Variants in HHAT observed in about 807,000 individuals in gnomAD.
HHAT encodes hedgehog acyltransferase, also known as protein-cysteine N-palmitoyltransferase HHAT.
In HHAT, 47 loss-of-function variants were observed where a neutral mutation model predicts 70.8. The ratio of observed to expected loss-of-function variants is 0.66; its 90% confidence interval spans 0.53 to 0.85. The LOEUF is 0.85. Among genes scored for constraint, HHAT ranks in the 40% least tolerant of loss-of-function variants. The pLI, the probability that HHAT is intolerant of heterozygous loss-of-function variation, is 0.00. For synonymous variants in HHAT, 228 were observed against 247.6 expected (o/e 0.92, Z 0.74); for missense variants, 609 against 604.8 (o/e 1.01, Z -0.07).
intron 10 of HHAT, among the ~76,000 whole-genome samples, chr1:210,621,988 A>T (rs1668930948): frequency 1.3e-5 from 2 of 152,106 alleles, no homozygotes; most frequent in Admixed American, 6.6e-5. Context: ...TTAAGAACAG[A>T]CCCTGGGGCT....
intron 10 of HHAT, among the ~76,000 whole-genome samples, chr1:210,606,162 T>C (rs1457077290): frequency 1.3e-5 from 2 of 152,162 alleles, no homozygotes; most frequent in Admixed American, 1.3e-4. Context: ...ACCCAGCCTA[T>C]TTCTTCATTT....
chr1:210,415,231 C>A (rs538947456), intron 6 of HHAT, among the ~76,000 whole-genome samples: 1 of 152,166 alleles, frequency 6.6e-6, no homozygotes, highest in Non-Finnish European at 1.5e-5. Flanking sequence ...TTTAACTTCT[C>A]GTTTATTAAA....
At chr1:210,552,929 G>A (rs973182970) in intron 9 of HHAT, among the ~76,000 whole-genome samples, 1 of 152,108 alleles carries the variant, frequency 6.6e-6, no homozygotes, top group Non-Finnish European at 1.5e-5. Flanking sequence ...TCTCTTTGCT[G>A]GTCTGTGAGG....
rs1307848504 is a variant in HHAT at position 210,350,886 on chromosome 1, T to C, written c.91+1820T>C. On this transcript the variant is annotated intron_variant, in intron 2 of 11. Transcript: ENST00000261458. The stretch of plus-strand genomic sequence containing the variant: ...CATTAAGTATGACATTAGCTGTGGG[T>C]TTTTTATGGATGCTTTTTATCTAGT... 2.0e-5 allele frequency among the ~76,000 whole-genome samples: 3 copies of C among 152,110 alleles called. No homozygotes were observed. The East Asian group carries it at 5.8e-4, about 29-fold the overall frequency.
chr1:210,536,175 G>A (rs184146938), intron 9 of HHAT, among the ~76,000 whole-genome samples: 2 of 152,310 alleles, frequency 1.3e-5, no homozygotes, highest in Middle Eastern at 3.4e-3. Context: ...AGCCACTGCC[G>A]TAAAATATAT....
At chr1:210,538,835 G>C (rs1202453239) in intron 9 of HHAT, among the ~76,000 whole-genome samples, 1 of 152,210 alleles carries the variant, frequency 6.6e-6, no homozygotes, top group South Asian at 2.1e-4. Context: ...CCAGCACTTT[G>C]GGAGGCCGAG....
In HHAT at chr1:210,626,573, G is replaced by A. The variant is rs183547786; in HGVS notation, c.1390+2903G>A. Among the ~76,000 whole-genome samples, 22 of 152,264 alleles carry A rather than the reference G, an allele frequency of 1.4e-4. No individual in the cohort carries two copies. In the East Asian group the frequency reaches 2.7e-3, roughly 19 times the overall value. On this transcript the variant is annotated intron_variant, in intron 11 of 11. Transcript: ENST00000261458. ...GTCTGCTGGGGTTTTGGCAGTTGCC[G>A]CTTCGTCTATTCCTTGCTGTGGGTT...
chr1:210,376,693 G>A (rs951350603), intron 3 of HHAT, among the ~76,000 whole-genome samples: 1 of 152,172 alleles, frequency 6.6e-6, no homozygotes, highest in African/African-American at 2.4e-5. Context: ...GGGGTGCGCT[G>A]GGTGGGGAGG....
chr1:210,565,329 C>T (rs1464360912), intron 9 of HHAT, among the ~76,000 whole-genome samples: 1 of 152,176 alleles, frequency 6.6e-6, no homozygotes, highest in Non-Finnish European at 1.5e-5. Flanking sequence ...ACAAATGTCA[C>T]CACAGGCATC....
At chr1:210,570,185 G>C (rs1424877736) in intron 9 of HHAT, among the ~76,000 whole-genome samples, 1 of 152,198 alleles carries the variant, frequency 6.6e-6, no homozygotes, top group East Asian at 1.9e-4. Context: ...ACTGTGAGAA[G>C]GGAGTAATGA....
intron 9 of HHAT, among the ~76,000 whole-genome samples, chr1:210,559,115 T>C (rs552087841): frequency 6.6e-6 from 1 of 152,246 alleles, no homozygotes; most frequent in Admixed American, 6.5e-5. Flanking sequence ...TGAAGACTTA[T>C]AAGGCAGAAT....
chr1:210,534,227 C>T (rs370118436), intron 9 of HHAT, among the ~76,000 whole-genome samples: 39 of 152,280 alleles, frequency 2.6e-4, no homozygotes, highest in East Asian at 2.1e-3. Context: ...TGATGGCTCA[C>T]GTGGAGCCTG....
intron 8 of HHAT, among the ~76,000 whole-genome samples, chr1:210,494,135 T>C (rs1297000813): frequency 6.6e-6 from 1 of 152,226 alleles, no homozygotes; most frequent in East Asian, 1.9e-4. Context: ...TATCACCTTG[T>C]CTCTATCCTA....
At chr1:210,585,121 C>T (rs1660144720) in intron 9 of HHAT, among the ~76,000 whole-genome samples, 1 of 149,392 alleles carries the variant, frequency 6.7e-6, no homozygotes, top group Non-Finnish European at 1.5e-5. Flanking sequence ...TAAAAATTAG[C>T]CCAGGGTTGT....
chr1:210,363,821 C>G (rs1055262517), intron 3 of HHAT, among the ~76,000 whole-genome samples: 3 of 152,124 alleles, frequency 2.0e-5, no homozygotes, highest in Non-Finnish European at 4.4e-5. Context: ...ATTACAGATT[C>G]AATCAGCCTT....
intron 6 of HHAT, among the ~76,000 whole-genome samples, chr1:210,408,188 CTTA>C (rs1357983087): frequency 6.6e-6 from 1 of 152,050 alleles, no homozygotes; most frequent in Non-Finnish European, 1.5e-5. Flanking sequence ...AATTCTTACT[CTTA>C]TTATTATTTG....
rs948807252 is a variant in HHAT at position 210,675,580 on chromosome 1, T to C, written c.*1201T>C. 6.6e-6 allele frequency: 1 copy of C among 152,188 alleles called. No individual in the cohort carries two copies. Among genetic ancestry groups the C allele is most frequent in the Non-Finnish European group, 1.5e-5 (1 of 68,042 alleles). 9.4% of individuals were successfully genotyped at this position (152,188 alleles called of 1,614,324 possible). A position where few individuals can be genotyped will look rare whatever the true frequency, so the allele number is the denominator to read the frequency against. On this transcript the variant is annotated 3_prime_UTR_variant, in exon 12 of 12. Transcript: ENST00000261458. ...CTCAAGTACGTAAATTAAGTTGTCA[T>C]TGAGTGAAAGGTTCACTTGGACCTA...
At chr1:210,421,338 A>G (rs2092897831) in intron 7 of HHAT, among the ~76,000 whole-genome samples, 7 of 152,216 alleles carry the variant, frequency 4.6e-5, no homozygotes, top group Admixed American at 4.6e-4. Flanking sequence ...GTATCTTTTA[A>G]TTTTGAAAAT....
intron 9 of HHAT, among the ~76,000 whole-genome samples, chr1:210,548,792 C>CA (rs562626672): frequency 9.2e-5 from 14 of 152,172 alleles, no homozygotes; most frequent in Non-Finnish European, 1.8e-4. Flanking sequence ...GGCCCCTCAG[C>CA]AGTAGTCACG....
Sources: allele counts gnomAD v4.1 joint callset (sites outside exome capture counted in the v4.1 genomes callset), GRCh38; gene constraint gnomAD v4.1.1; transcripts MANE v1.5; gene names NCBI Gene and HGNC (gene_info 2026-07-23, HGNC 2026-07-21).